PAK1: variants seen among roughly 807,000 people sequenced by gnomAD.
The protein encoded by PAK1 is p21 (RAC1) activated kinase 1, also known as serine/threonine-protein kinase PAK 1.
Under a neutral mutation model 67.4 loss-of-function variants are expected in PAK1, and 29 were observed. That is an observed-to-expected ratio of 0.43 (90% confidence interval 0.32 to 0.59). The LOEUF (loss-of-function observed/expected upper bound fraction) is 0.59. Among genes scored for constraint, PAK1 ranks in the 20% least tolerant of loss-of-function variants. The pLI, the probability that PAK1 is intolerant of heterozygous loss-of-function variation, is 0.07. For missense variants in PAK1, 337 were observed against 670.7 expected, an observed-to-expected ratio of 0.50 and a Z score of 5.50; for synonymous variants, 223 against 237.4, an observed-to-expected ratio of 0.94 and a Z score of 0.56.
At chr11:77,498,634 A>T in the PAK1 span, among the ~76,000 whole-genome samples, 2 of 149,766 alleles carry the variant, frequency 1.3e-5, no homozygotes, top group African/African-American at 2.5e-5. Flanking sequence ...TACATGGTAC[A>T]TATTTGTTAA....
chr11:77,327,391 C>T (rs1031590829), intron 14 of PAK1, among the ~76,000 whole-genome samples: 5 of 152,174 alleles, frequency 3.3e-5, no homozygotes, highest in African/African-American at 7.2e-5. Flanking sequence ...AGAGAAAGGT[C>T]GGGTTACCCA....
At chr11:77,372,398 A>T (rs1252187302) in intron 5 of PAK1, among the ~76,000 whole-genome samples, 2 of 152,350 alleles carry the variant, frequency 1.3e-5, no homozygotes, top group East Asian at 3.9e-4. Flanking sequence ...TACAAGGATA[A>T]TAACTTACCT....
At chr11:77,378,424 T>G (rs1037168951) in intron 4 of PAK1, among the ~76,000 whole-genome samples, 1 of 152,214 alleles carries the variant, frequency 6.6e-6, no homozygotes, top group African/African-American at 2.4e-5. Flanking sequence ...GGCCTGTTTT[T>G]CATTTAACTA....
At chr11:77,490,007 CG>C in the PAK1 span, among the ~76,000 whole-genome samples, 1 of 148,480 alleles carries the variant, frequency 6.7e-6, no homozygotes, top group African/African-American at 2.5e-5. Flanking sequence ...AAGTGAGGAA[CG>C]CCTCTTCCCG....
intron 9 of PAK1, chr11:77,346,917 G>GA (rs1274554624): frequency 2.4e-6 from 1 of 423,294 alleles, no homozygotes; most frequent in African/African-American, 2.1e-5. Flanking sequence ...AAACACACTT[G>GA]AAAAATAATT....
chr11:77,382,928 C>G (rs1950013723), intron 2 of PAK1, among the ~76,000 whole-genome samples: 1 of 152,126 alleles, frequency 6.6e-6, no homozygotes, highest in South Asian at 2.1e-4. Flanking sequence ...AACCAGGAGG[C>G]AGAGGTTGAA....
intron 5 of PAK1, among the ~76,000 whole-genome samples, chr11:77,369,102 T>C (rs920676246): frequency 6.6e-6 from 1 of 152,218 alleles, no homozygotes; most frequent in African/African-American, 2.4e-5. Context: ...TTTTCCACTA[T>C]TTCTAATGAG....
At chr11:77,381,137 G>C (rs1422064726) in intron 2 of PAK1, among the ~76,000 whole-genome samples, 2 of 135,960 alleles carry the variant, frequency 1.5e-5, no homozygotes, top group Non-Finnish European at 3.1e-5. Flanking sequence ...CCTCACCACA[G>C]AGTGTGTGTG....
rs183335073 is a variant in PAK1 at position 77,404,642 on chromosome 11, C to T, written c.-21-12101G>A. 2.0e-5 allele frequency among the ~76,000 whole-genome samples: 3 copies of T among 152,280 alleles called. No homozygotes were observed. In the East Asian group the frequency reaches 5.8e-4, roughly 29 times the overall value. On this transcript the variant is annotated intron_variant, in intron 1 of 14. Coordinates refer to ENST00000356341, the MANE Select transcript of PAK1 (RefSeq NM_002576.5). ...TCTTCCTACCCTCAAATCTATGTGCCTCCCTGTATCTGCATCCATTTTCTC... is the reference window on the plus strand; with the variant it reads ...TCTTCCTACCCTCAAATCTATGTGCTTCCCTGTATCTGCATCCATTTTCTC...
intron 1 of PAK1, chr11:77,408,103 G>T (rs1953901442): frequency 6.6e-6 from 1 of 152,208 alleles, no homozygotes; most frequent in South Asian, 2.1e-4. Context: ...AATCAAAAGT[G>T]CCCTCTTCTG....
At chr11:77,499,652 G>A in the PAK1 span, among the ~76,000 whole-genome samples, 30 of 152,002 alleles carry the variant, frequency 2.0e-4, no homozygotes, top group Non-Finnish European at 8.8e-5. Context: ...TGATACTTTC[G>A]TTATACCTTT....
rs563198074 is a variant in PAK1, at chr11:77,344,936, C to T, written c.886-1005G>A. Among the ~76,000 whole-genome samples the T allele has an allele frequency of 3.3e-5, 5 of 152,280 alleles. No individual in the cohort carries two copies. The East Asian group carries it at 9.7e-4, about 29-fold the overall frequency. Reference sequence around the variant, plus strand: ...AGGAGAGTGTTCATGGAGAACACTCCATGTTCTCCCTGGTATCTAGTCCCC... The same window carrying T: ...AGGAGAGTGTTCATGGAGAACACTCTATGTTCTCCCTGGTATCTAGTCCCC... On this transcript the variant is annotated intron_variant, in intron 9 of 14. Coordinates refer to ENST00000356341, the MANE Select transcript of PAK1 (RefSeq NM_002576.5).
chr11:77,325,310 C>A, intron 14 of PAK1: 3 of 1,613,798 alleles, frequency 1.9e-6, no homozygotes, highest in Non-Finnish European at 2.5e-6. Context: ...AGGCTGAAAT[C>A]CTGGATCTGC....
At chr11:77,427,369 A>T (rs1412032015) in intron 1 of PAK1, among the ~76,000 whole-genome samples, 1 of 152,138 alleles carries the variant, frequency 6.6e-6, no homozygotes, top group Admixed American at 6.5e-5. Context: ...ATTTAGGATG[A>T]CAGTGTAGAT....
At chr11:77,513,670 CAAAAAAAAAA>C in the PAK1 span, among the ~76,000 whole-genome samples, 2 of 52,928 alleles carry the variant, frequency 3.8e-5, no homozygotes, top group African/African-American at 1.6e-4. Flanking sequence ...GACTCTGTCT[CAAAAAAAAAA>C]AAAAAAAAAA....
At chr11:77,514,844 G>GCAAGGTATATATTGGCTCCATTT in the PAK1 span, 146,536 of 152,104 alleles carry the variant, frequency 0.96, 70,637 homozygotes, top group Middle Eastern at 1. Flanking sequence ...TAACAATCCT[G>GCAAGGTATATATTGGCTCCATTT]CACAGGTGCA....
intron 14 of PAK1, among the ~76,000 whole-genome samples, chr11:77,329,946 C>T: frequency 6.6e-6 from 1 of 151,950 alleles, no homozygotes. Context: ...TCTCAGGATA[C>T]AAAATCAATG....
intron 1 of PAK1, among the ~76,000 whole-genome samples, chr11:77,443,154 C>A (rs1956434050): frequency 1.3e-5 from 2 of 151,906 alleles, no homozygotes; most frequent in Non-Finnish European, 2.9e-5. Flanking sequence ...AAAACCCCGT[C>A]TCTACTAAAA....
chr11:77,384,372 G>A (rs1317782640), intron 2 of PAK1, among the ~76,000 whole-genome samples: 1 of 152,158 alleles, frequency 6.6e-6, no homozygotes, highest in African/African-American at 2.4e-5. Flanking sequence ...TGGGACTACT[G>A]CTGCAGTTGC....
Sources: gnomAD v4.1 joint callset for allele counts (sites outside exome capture counted in the v4.1 genomes callset) on GRCh38, gnomAD v4.1.1 for gene constraint, MANE v1.5 for transcripts, NCBI Gene and HGNC (gene_info 2026-07-23, HGNC 2026-07-21) for gene names.